COL5A2: variants seen among roughly 807,000 people sequenced by gnomAD.
The protein encoded by COL5A2 is collagen type V alpha 2 chain.
Under a neutral mutation model 208.2 loss-of-function variants are expected in COL5A2, and 23 were observed. That is an observed-to-expected ratio of 0.11 (90% CI 0.08 to 0.16). The LOEUF (loss-of-function observed/expected upper bound fraction) is 0.16, where lower values mean the gene tolerates loss of function less well. Ranked by LOEUF, COL5A2 falls within the 10% of genes least tolerant of loss-of-function variation. The probability of loss-of-function intolerance (pLI) is 1.00; values close to 1 mark genes in which losing one functional copy is unlikely to be tolerated. For synonymous variants in COL5A2, 625 were observed against 628.5 expected (o/e 0.99, Z 0.08); for missense variants, 1,590 against 1,956.4 (o/e 0.81, Z 3.53).
chr2:189,166,755 C>T (rs1347536607), intron 1 of COL5A2, among the ~76,000 whole-genome samples: 4 of 152,140 alleles, frequency 2.6e-5, no homozygotes, highest in East Asian at 1.9e-4. Flanking sequence ...AGTTGATTCT[C>T]GTGGCGAGAA....
At chr2:189,080,643 C>T (rs946425859) in intron 13 of COL5A2, among the ~76,000 whole-genome samples, 18 of 152,056 alleles carry the variant, frequency 1.2e-4, no homozygotes, top group Non-Finnish European at 2.4e-4. Flanking sequence ...CTATCTCTAC[C>T]ATGTCACCTA....
intron 1 of COL5A2, among the ~76,000 whole-genome samples, chr2:189,170,951 C>A (rs985022499): frequency 1.3e-5 from 2 of 152,024 alleles, no homozygotes; most frequent in South Asian, 2.1e-4. Flanking sequence ...AAAACGGATT[C>A]ATGGAAAGAA....
the COL5A2 span, among the ~76,000 whole-genome samples, chr2:189,428,495 G>A: frequency 1.3e-5 from 2 of 152,158 alleles, no homozygotes; most frequent in Non-Finnish European, 1.5e-5. Flanking sequence ...GCACGCACCT[G>A]TAGTCCCAGC....
Position 189,179,619 on chromosome 2 carries a change from C to T in COL5A2, c.-15G>A. The stretch of plus-strand genomic sequence containing the variant: ...TTTGCCATCATGTCTAAATATTAGA[C>T]ATGTGGGTTCTCCTGAGAGTGAAAA... On this transcript the variant is annotated 5_prime_UTR_variant, in exon 1 of 54. The change abolishes an upstream ATG in the 5' untranslated region. Coordinates refer to ENST00000374866, the MANE Select transcript of COL5A2 (RefSeq NM_000393.5). The T allele has an allele frequency of 6.3e-7, 1 of 1,594,058 alleles. No homozygotes were observed. Among genetic ancestry groups the T allele is most frequent in the Admixed American group, 1.7e-5 (1 of 58,356 alleles).
At chr2:189,129,442 A>C (rs1687668947) in intron 1 of COL5A2, among the ~76,000 whole-genome samples, 1 of 152,096 alleles carries the variant, frequency 6.6e-6, no homozygotes, top group Non-Finnish European at 1.5e-5. Flanking sequence ...CTATTTTGAG[A>C]GATGATTCTG....
intron 2 of COL5A2, among the ~76,000 whole-genome samples, chr2:189,105,316 ACT>A (rs1385658265): frequency 4.0e-5 from 6 of 151,568 alleles, no homozygotes; most frequent in Non-Finnish European, 5.9e-5. Flanking sequence ...ACCACTTTAC[ACT>A]CCACAAATAA....
At chr2:189,373,043 T>A in the COL5A2 span, among the ~76,000 whole-genome samples, 1 of 152,186 alleles carries the variant, frequency 6.6e-6, no homozygotes, top group Non-Finnish European at 1.5e-5. Flanking sequence ...GACATATTTT[T>A]AAAAACTTTT....
chr2:189,239,394 G>A, the COL5A2 span, among the ~76,000 whole-genome samples: 1 of 152,028 alleles, frequency 6.6e-6, no homozygotes, highest in South Asian at 2.1e-4. Flanking sequence ...TGTGCCCAGT[G>A]TAATTCCAAA....
upstream of COL5A2, chr2:189,179,995 C>T (rs1207073153): frequency 2.4e-6 from 1 of 416,904 alleles, no homozygotes; most frequent in Non-Finnish European, 4.2e-6. Context: ...ATTTGTTTCT[C>T]TTTTCTTTTA....
chr2:189,228,228 TA>T (rs1447995096), upstream of COL5A2, among the ~76,000 whole-genome samples: 1 of 151,582 alleles, frequency 6.6e-6, no homozygotes, highest in Admixed American at 6.6e-5. Flanking sequence ...TAAAGCAACC[TA>T]ATTCTATACC....
At chr2:189,097,750 G>C (rs1464301961) in intron 5 of COL5A2, 2 of 452,342 alleles carry the variant, frequency 4.4e-6, no homozygotes, top group African/African-American at 4.0e-5. Flanking sequence ...TCCAGGGACT[G>C]TATGAAATCA....
At chr2:189,128,482 T>C (rs552848603) in intron 1 of COL5A2, among the ~76,000 whole-genome samples, 10 of 152,016 alleles carry the variant, frequency 6.6e-5, no homozygotes, top group Non-Finnish European at 1.2e-4. Flanking sequence ...GAAGAGTTTG[T>C]TGTTTTTTGT....
the COL5A2 span, among the ~76,000 whole-genome samples, chr2:189,425,974 TATAA>T: frequency 6.6e-6 from 1 of 152,180 alleles, no homozygotes; most frequent in Non-Finnish European, 1.5e-5. Flanking sequence ...TTCTTTTCTT[TATAA>T]ATCACCCAGT....
At chr2:189,284,677 C>A in the COL5A2 span, among the ~76,000 whole-genome samples, 1 of 152,046 alleles carries the variant, frequency 6.6e-6, no homozygotes, top group Non-Finnish European at 1.5e-5. Flanking sequence ...CAAGTATTGA[C>A]TAATTGACTA....
At chr2:189,423,894 G>C in the COL5A2 span, among the ~76,000 whole-genome samples, 6 of 149,902 alleles carry the variant, frequency 4.0e-5, no homozygotes, top group African/African-American at 1.5e-4. Flanking sequence ...CAGACGAGGG[G>C]GAAAAAAAAA....
intron 1 of COL5A2, among the ~76,000 whole-genome samples, chr2:189,157,730 T>G (rs1688282397): frequency 6.6e-6 from 1 of 152,038 alleles, no homozygotes; most frequent in African/African-American, 2.4e-5. Flanking sequence ...GAAATAAAAC[T>G]TAAAGGCTTT....
At chr2:189,314,402 G>A in the COL5A2 span, among the ~76,000 whole-genome samples, 3 of 152,078 alleles carry the variant, frequency 2.0e-5, no homozygotes, top group Non-Finnish European at 4.4e-5. Flanking sequence ...TGAAAACAAA[G>A]ATACAACACA....
chr2:189,096,279 G>A (rs997507275), intron 6 of COL5A2: 1 of 151,912 alleles, frequency 6.6e-6, no homozygotes, highest in East Asian at 1.9e-4. Context: ...AAATTAAACA[G>A]TACAAACAAA....
chr2:189,035,391 TAAC>T (rs1159903044), intron 52 of COL5A2, among the ~76,000 whole-genome samples: 1 of 151,992 alleles, frequency 6.6e-6, no homozygotes, highest in African/African-American at 2.4e-5. Context: ...AAACCAATAA[TAAC>T]AATAATTCAC....
Sources: allele counts gnomAD v4.1 joint callset (sites outside exome capture counted in the v4.1 genomes callset), GRCh38; gene constraint gnomAD v4.1.1; transcripts MANE v1.5; gene names NCBI Gene and HGNC (gene_info 2026-07-23, HGNC 2026-07-21).